MAPKAPK5: variants seen among roughly 807,000 people sequenced by gnomAD.
MAPKAPK5 encodes MAP kinase-activated protein kinase 5.
MAPKAPK5 carries 30 observed loss-of-function variants against 65.1 expected under a neutral mutation model. The ratio of observed to expected loss-of-function variants is 0.46; its 90% CI spans 0.34 to 0.63. The LOEUF (loss-of-function observed/expected upper bound fraction) is 0.63, where lower values mean the gene tolerates loss of function less well. Among genes scored for constraint, MAPKAPK5 ranks in the 20% least tolerant of loss-of-function variants. MAPKAPK5 has a pLI of 0.01. For synonymous variants in MAPKAPK5, 179 were observed against 204.6 expected (o/e 0.87, Z 1.07); for missense variants, 433 against 581.4 (o/e 0.74, Z 2.63).
intron 1 of MAPKAPK5, among the ~76,000 whole-genome samples, chr12:111,860,265 A>G (rs1053018316): frequency 6.6e-6 from 1 of 152,038 alleles, no homozygotes; most frequent in East Asian, 1.9e-4. Context: ...CCCCTGATCA[A>G]TGTGTATGTG....
chr12:111,843,763 A>AT lies in MAPKAPK5; in HGVS notation c.36+994_36+995insT, dbSNP rs1346124053. ...TCATTCCAAAGAAACTTAACCCTTT[A>AT]AAGGAGGCATCAACATATAACATAT... is the stretch of plus-strand genomic sequence containing the variant. On this transcript the variant is annotated intron_variant, in intron 1 of 13. Coordinates refer to ENST00000550735, the MANE Select transcript of MAPKAPK5 (RefSeq NM_003668.4). 3.9e-5 allele frequency among the ~76,000 whole-genome samples: 6 copies of AT among 152,210 alleles called. 1 individual carries two copies. The highest frequency in any genetic ancestry group is 7.3e-5 in the Non-Finnish European group (5 of 68,028).
intron 13 of MAPKAPK5, among the ~76,000 whole-genome samples, chr12:111,891,958 G>A (rs1331881576): frequency 6.6e-6 from 1 of 152,082 alleles, no homozygotes; most frequent in Non-Finnish European, 1.5e-5. Flanking sequence ...TCCTCTTCCA[G>A]TCACTCCCTC....
At chr12:111,871,971 G>A (rs2069799676) in intron 7 of MAPKAPK5, among the ~76,000 whole-genome samples, 1 of 152,174 alleles carries the variant, frequency 6.6e-6, no homozygotes, top group Admixed American at 6.5e-5. Flanking sequence ...CTTTTGCTTA[G>A]CATGTTTTTG....
chr12:111,848,976 G>T (rs2068986497), intron 1 of MAPKAPK5, among the ~76,000 whole-genome samples: 1 of 151,958 alleles, frequency 6.6e-6, no homozygotes, highest in Non-Finnish European at 1.5e-5. Context: ...TGTTGACCAG[G>T]TGGTCTCGTA....
chr12:111,888,863 C>T (rs758660257), intron 11 of MAPKAPK5, 22 bp from the exon 12 acceptor site: 7 of 1,611,146 alleles, frequency 4.3e-6, no homozygotes, highest in Non-Finnish European at 5.9e-6. Context: ...GTTGTCATTA[C>T]CCCTCCCTCA....
At position 111,893,212 on chromosome 12, in the gene MAPKAPK5, AGTTATT is replaced by A. The variant is rs973319362; in HGVS notation, c.*155_*160del. 3.3e-5 allele frequency: 16 copies of A among 478,376 alleles called. No homozygotes were observed. The highest frequency in any genetic ancestry group is 5.3e-5 in the Non-Finnish European group (15 of 280,942). 29.6% of individuals were successfully genotyped at this position (478,376 alleles called of 1,614,324 possible). ...AGGGTGCAGGACTTAATAATAGTATAGTTATTGTTTGTTTTTAAGAAAAGCTCAGTT... is the reference window on the plus strand; with the variant it reads ...AGGGTGCAGGACTTAATAATAGTATAGTTTGTTTTTAAGAAAAGCTCAGTT... On this transcript the variant is annotated 3_prime_UTR_variant, in exon 14 of 14. Coordinates refer to ENST00000550735, the MANE Select transcript of MAPKAPK5 (RefSeq NM_003668.4).
intron 2 of MAPKAPK5, among the ~76,000 whole-genome samples, chr12:111,865,529 TA>T (rs1161073384): frequency 6.6e-6 from 1 of 152,058 alleles, no homozygotes; most frequent in Non-Finnish European, 1.5e-5. Context: ...ATGGTCTTTT[TA>T]TAGAGTCATT....
intron 5 of MAPKAPK5, 26 bp from the exon 6 acceptor site, chr12:111,870,245 G>T: frequency 1.3e-6 from 2 of 1,548,012 alleles, no homozygotes; most frequent in South Asian, 2.3e-5. Flanking sequence ...TCTAAGAAGC[G>T]ACTGTTTCAT....
At position 111,901,138 on chromosome 12, in the gene MAPKAPK5, A is replaced by G. The variant is rs1176691632; in HGVS notation, c.*8077A>G. 13 of 456,008 alleles carry G rather than the reference A, an allele frequency of 2.9e-5. No homozygotes were observed. Among genetic ancestry groups the G allele is most frequent in the East Asian group, 6.9e-5 (1 of 14,412 alleles). The allele number at this position is 456,008 out of a possible 1,614,324, so 28.2% of individuals were successfully genotyped here. On this transcript the variant is annotated 3_prime_UTR_variant, in exon 14 of 14. Coordinates refer to ENST00000550735, the MANE Select transcript of MAPKAPK5 (RefSeq NM_003668.4). ...GGCTCATGTTGGAGCATGGATGCCT[A>G]TATGAGTACTGACATTCCTGATGAA...
rs1044057741 is a variant in MAPKAPK5 at position 111,885,755 on chromosome 12, A to G, written c.849-161A>G. On this transcript the variant is annotated intron_variant, in intron 9 of 13. Transcript: ENST00000550735. ...CTGCCTCAAGCCATAGTACCCCTAC[A>G]AGTGGTTGGAGACTAGAATCCCATC... is the stretch of plus-strand genomic sequence containing the variant. 5.2e-6 allele frequency: 4 copies of G among 763,526 alleles called. No individual in the cohort carries two copies. In the East Asian group the frequency reaches 1.1e-4, roughly 21 times the overall value. 47.3% of individuals were successfully genotyped at this position (763,526 alleles called of 1,614,324 possible). A position where few individuals can be genotyped will look rare whatever the true frequency, so the allele number is the denominator to read the frequency against.
intron 1 of MAPKAPK5, among the ~76,000 whole-genome samples, chr12:111,859,867 T>C (rs1222674311): frequency 6.6e-6 from 1 of 151,926 alleles, no homozygotes; most frequent in Non-Finnish European, 1.5e-5. Flanking sequence ...CAGGCTGGTC[T>C]CGAACTCCTG....
intron 9 of MAPKAPK5, among the ~76,000 whole-genome samples, chr12:111,884,767 T>A (rs1221172422): frequency 2.0e-5 from 3 of 152,268 alleles, no homozygotes; most frequent in East Asian, 3.9e-4. Flanking sequence ...TCTTCCTCTA[T>A]AATGGGATGA....
intron 8 of MAPKAPK5, chr12:111,882,794 C>T: frequency 2.0e-6 from 2 of 985,532 alleles, no homozygotes; most frequent in Non-Finnish European, 2.4e-6. Flanking sequence ...CTCCAGTCCT[C>T]TCCATGATCT....
At chr12:111,891,917 C>T (rs2070629533) in intron 13 of MAPKAPK5, among the ~76,000 whole-genome samples, 1 of 152,092 alleles carries the variant, frequency 6.6e-6, no homozygotes, top group Admixed American at 6.6e-5. Flanking sequence ...TCCTCTGTAA[C>T]CAGCACCTAG....
rs1166931058 is a variant in MAPKAPK5 at position 111,901,043 on chromosome 12, A to G, written c.*7982A>G. On this transcript the variant is annotated 3_prime_UTR_variant, in exon 14 of 14. Coordinates refer to ENST00000550735, the MANE Select transcript of MAPKAPK5 (RefSeq NM_003668.4). ...GTAATATATTTTGTGGGAAACTTAT[A>G]TGTTCAGGTATTACAGGCTTACCAA... is the stretch of plus-strand genomic sequence containing the variant. The G allele has an allele frequency of 6.6e-6, 3 of 456,048 alleles. No homozygotes were observed. Among genetic ancestry groups the G allele is most frequent in the Non-Finnish European group, 1.3e-5 (3 of 226,800 alleles). 28.3% of individuals were successfully genotyped at this position (456,048 alleles called of 1,614,324 possible).
intron 1 of MAPKAPK5, 152 bp downstream of exon 1, chr12:111,842,921 C>G: frequency 1.5e-6 from 1 of 669,766 alleles, no homozygotes. Flanking sequence ...CTTTACAGCC[C>G]TGGGGCCAAG....
intron 1 of MAPKAPK5, among the ~76,000 whole-genome samples, chr12:111,860,006 G>A (rs1010705330): frequency 1.3e-4 from 20 of 152,194 alleles, no homozygotes; most frequent in African/African-American, 4.6e-4. Flanking sequence ...GGAGGTGGAA[G>A]TTGTAGTGAG....
Position 111,901,426 on chromosome 12 carries a change from A to G in MAPKAPK5, c.*8365A>G, listed in dbSNP as rs187206454. 6.6e-5 allele frequency: 30 copies of G among 456,112 alleles called. 1 individual carries two copies. The East Asian group carries it at 1.2e-3, about 19-fold the overall frequency. The allele number at this position is 456,112 out of a possible 1,614,324, so 28.3% of individuals were successfully genotyped here. On this transcript the variant is annotated 3_prime_UTR_variant, in exon 14 of 14. Coordinates refer to ENST00000550735, the MANE Select transcript of MAPKAPK5 (RefSeq NM_003668.4). ...CCTTCAGGAGAAGGTGAAAATCACA[A>G]TATGACTCATTCCAGACGTGAAGAA...
intron 8 of MAPKAPK5, among the ~76,000 whole-genome samples, chr12:111,882,320 C>T (rs2070261749): frequency 6.6e-6 from 1 of 152,180 alleles, no homozygotes; most frequent in Non-Finnish European, 1.5e-5. Context: ...GCAGTGGTTG[C>T]AGTGAGCTGA....
Sources: allele counts gnomAD v4.1 joint callset (sites outside exome capture counted in the v4.1 genomes callset), GRCh38; gene constraint gnomAD v4.1.1; transcripts MANE v1.5; gene names NCBI Gene and HGNC (gene_info 2026-07-23, HGNC 2026-07-21).